Variants in SLC71A1 observed in about 807,000 individuals in gnomAD.
The protein encoded by SLC71A1 is hippocampus abundant gene transcript 1.
At chr1:100,061,967 A>G in the SLC71A1 span, 13 of 1,395,772 alleles carry the variant, frequency 9.3e-6, no homozygotes, top group South Asian at 1.2e-5. Context: ...TGTTTATTCT[A>G]TACCTTTTGT....
the SLC71A1 span, among the ~76,000 whole-genome samples, chr1:100,059,607 C>T: frequency 6.6e-6 from 1 of 151,342 alleles, no homozygotes; most frequent in Non-Finnish European, 1.5e-5. Context: ...AGGTAATTAG[C>T]ATATGGAATT....
the SLC71A1 span, chr1:100,068,419 G>C: frequency 1.6e-6 from 2 of 1,222,190 alleles, no homozygotes; most frequent in Admixed American, 1.8e-5. Flanking sequence ...CTTAAGAATA[G>C]TTCAGTGGTT....
At chr1:100,053,292 G>A in the SLC71A1 span, among the ~76,000 whole-genome samples, 1 of 152,168 alleles carries the variant, frequency 6.6e-6, no homozygotes, top group African/African-American at 2.4e-5. Context: ...CCAGCATTGT[G>A]TGTGAGAGGT....
the SLC71A1 span, among the ~76,000 whole-genome samples, chr1:100,044,208 A>G: frequency 5.9e-5 from 9 of 152,306 alleles, no homozygotes; most frequent in African/African-American, 1.9e-4. Context: ...CATCCACACC[A>G]TCTATTATTT....
the SLC71A1 span, among the ~76,000 whole-genome samples, chr1:100,065,279 A>G: frequency 6.6e-6 from 1 of 152,224 alleles, no homozygotes; most frequent in Non-Finnish European, 1.5e-5. Context: ...GTACTTGTTC[A>G]AATAATTGAC....
the SLC71A1 span, among the ~76,000 whole-genome samples, chr1:100,076,247 TTTTA>T: frequency 6.6e-6 from 1 of 152,176 alleles, no homozygotes; most frequent in African/African-American, 2.4e-5. Context: ...ATTTTATGAG[TTTTA>T]AAGTGTCAGC....
chr1:100,074,366 G>T, the SLC71A1 span, among the ~76,000 whole-genome samples: 1 of 152,080 alleles, frequency 6.6e-6, no homozygotes, highest in East Asian at 1.9e-4. Context: ...CCTGAGGTCA[G>T]GAGTTCGAGA....
At chr1:100,059,144 G>GTTTTTTTTTTTTTGTT in the SLC71A1 span, among the ~76,000 whole-genome samples, 2 of 75,412 alleles carry the variant, frequency 2.7e-5, no homozygotes, top group African/African-American at 1.2e-4. Context: ...TCTTTTTCGT[G>GTTTTTTTTTTTTTGTT]TTTTTTTTTT....
At chr1:100,072,171 T>C in the SLC71A1 span, among the ~76,000 whole-genome samples, 1 of 152,228 alleles carries the variant, frequency 6.6e-6, no homozygotes, top group African/African-American at 2.4e-5. Flanking sequence ...TGCAGAAATA[T>C]ACAATTGAGA....
the SLC71A1 span, chr1:100,038,206 G>A: frequency 1.3e-6 from 2 of 1,546,430 alleles, no homozygotes; most frequent in Non-Finnish European, 1.8e-6. Context: ...AGTGGCTGCA[G>A]CAGCGCCAGG....
chr1:100,071,327 C>T, the SLC71A1 span, among the ~76,000 whole-genome samples: 1 of 142,086 alleles, frequency 7.0e-6, no homozygotes, highest in African/African-American at 2.7e-5. Flanking sequence ...GAAAGAAAGC[C>T]CGGTGTGGTG....
At chr1:100,056,566 C>T in the SLC71A1 span, among the ~76,000 whole-genome samples, 1 of 152,162 alleles carries the variant, frequency 6.6e-6, no homozygotes, top group African/African-American at 2.4e-5. Context: ...GCCAAGATTG[C>T]ACCATCGCAC....
At chr1:100,045,835 A>G in the SLC71A1 span, among the ~76,000 whole-genome samples, 1 of 152,078 alleles carries the variant, frequency 6.6e-6, no homozygotes, top group Admixed American at 6.6e-5. Context: ...TAAATAAATA[A>G]ATCTGTTCAG....
chr1:100,061,316 C>T, the SLC71A1 span, among the ~76,000 whole-genome samples: 1 of 152,048 alleles, frequency 6.6e-6, no homozygotes, highest in Non-Finnish European at 1.5e-5. Flanking sequence ...TGAATCCTGC[C>T]ATATAGGTTT....
chr1:100,076,472 TGC>T, the SLC71A1 span, among the ~76,000 whole-genome samples: 3 of 152,228 alleles, frequency 2.0e-5, no homozygotes, highest in Admixed American at 6.5e-5. Context: ...CGCTGATTAT[TGC>T]CAGGCACAAT....
the SLC71A1 span, among the ~76,000 whole-genome samples, chr1:100,069,085 G>A: frequency 6.6e-6 from 1 of 152,020 alleles, no homozygotes; most frequent in African/African-American, 2.4e-5. Flanking sequence ...TTTCTAATGG[G>A]GGTTATTTGG....
the SLC71A1 span, among the ~76,000 whole-genome samples, chr1:100,072,120 A>G: frequency 6.6e-6 from 1 of 152,386 alleles, no homozygotes; most frequent in East Asian, 1.9e-4. Flanking sequence ...TATTACATGT[A>G]TAGCCTCAAA....
chr1:100,072,396 A>G, the SLC71A1 span, among the ~76,000 whole-genome samples: 9 of 152,192 alleles, frequency 5.9e-5, no homozygotes, highest in South Asian at 2.1e-4. Context: ...GCATATCTCC[A>G]TCATTGTACA....
the SLC71A1 span, among the ~76,000 whole-genome samples, chr1:100,062,474 T>C: frequency 6.6e-6 from 1 of 152,214 alleles, no homozygotes; most frequent in Non-Finnish European, 1.5e-5. Flanking sequence ...TCCTGGACAC[T>C]GTTTTGGTAA....
Sources: allele counts gnomAD v4.1 joint callset (sites outside exome capture counted in the v4.1 genomes callset), GRCh38; gene constraint gnomAD v4.1.1; transcripts MANE v1.5; gene names NCBI Gene and HGNC (gene_info 2026-07-23, HGNC 2026-07-21).